PIEZO1: variants seen among roughly 807,000 people sequenced by gnomAD.
PIEZO1 encodes piezo type mechanosensitive ion channel component 1 (Er blood group).
In PIEZO1, 296 loss-of-function variants were observed where a neutral mutation model predicts 297.2. That is an observed-to-expected ratio of 1.00 (90% CI 0.91 to 1.10). The LOEUF (loss-of-function observed/expected upper bound fraction) is 1.10, where lower values mean the gene tolerates loss of function less well. Among genes scored for constraint, PIEZO1 ranks in the 50% least tolerant of loss-of-function variants. The probability of loss-of-function intolerance (pLI) is 0.00; values close to 1 mark genes in which losing one functional copy is unlikely to be tolerated. For missense variants in PIEZO1, 5,018 were observed against 3,455.5 expected (o/e 1.45, Z -11.34); for synonymous variants, 2,427 against 1,507.5 (o/e 1.61, Z -14.13).
intron 2 of PIEZO1, chr16:88,743,781 T>A (rs539895031): frequency 1.8e-5 from 7 of 396,366 alleles, no homozygotes; most frequent in African/African-American, 1.2e-4. Flanking sequence ...GAGGCAGGTT[T>A]GGACCAGCTT....
chr16:88,735,616 T>C (rs1369563279), intron 12 of PIEZO1, among the ~76,000 whole-genome samples: 1 of 152,262 alleles, frequency 6.6e-6, no homozygotes, highest in Non-Finnish European at 1.5e-5. Context: ...CAGGTGCATA[T>C]GTTGGCACAC....
rs113907912 is a variant in PIEZO1 at position 88,727,464 on chromosome 16, T to C, written c.3301+93A>G. 0.12 allele frequency: 74,944 copies of C among 647,396 alleles called. 5,318 individuals are homozygous for C. The highest frequency in any genetic ancestry group is 0.15 in the Non-Finnish European group (55,131 of 370,082). 40.1% of individuals were successfully genotyped at this position (647,396 alleles called of 1,614,324 possible). A position where few individuals can be genotyped will look rare whatever the true frequency, so the allele number is the denominator to read the frequency against. The stretch of plus-strand genomic sequence containing the variant: ...ATGTGCCTGACCACACCTCCGCCCG[T>C]GCACGCCTGTGTGCACACTTGTGAG... On this transcript the variant is annotated intron_variant, in intron 23 of 50. Coordinates refer to ENST00000301015, the MANE Select transcript of PIEZO1 (RefSeq NM_001142864.4).
chr16:88,723,853 G>A lies in PIEZO1; in HGVS notation c.4335+18C>T, dbSNP rs374902914. On this transcript the variant is annotated intron_variant, in intron 31 of 50. Transcript: ENST00000301015. ...GCTCTGTGGTTGGAGTGGGGCCGAC[G>A]GGGCTCTCCCACCTCACCTGGAAGG... 26 of 1,360,206 alleles carry A rather than the reference G, an allele frequency of 1.9e-5. No individual in the cohort carries two copies. Among genetic ancestry groups the A allele is most frequent in the African/African-American group, 1.4e-4 (10 of 69,332 alleles). The allele number at this position is 1,360,206 out of a possible 1,614,324, so 84.3% of individuals were successfully genotyped here.
chr16:88,717,820 CAG>C (rs1245036782), intron 44 of PIEZO1: 5 of 445,844 alleles, frequency 1.1e-5, no homozygotes, highest in African/African-American at 2.0e-5. Flanking sequence ...TGCAGAAAAA[CAG>C]AAAAAACTCT....
chr16:88,772,075 A>G (rs922273849), intron 1 of PIEZO1, among the ~76,000 whole-genome samples: 1 of 144,282 alleles, frequency 6.9e-6, no homozygotes, highest in African/African-American at 2.6e-5. Context: ...CTGAGACTCT[A>G]TGCCTGTCCA....
At chr16:88,729,900 G>A (rs1213102629) in intron 22 of PIEZO1, among the ~76,000 whole-genome samples, 1 of 152,154 alleles carries the variant, frequency 6.6e-6, no homozygotes, top group Non-Finnish European at 1.5e-5. Flanking sequence ...GCCACAGAGG[G>A]AACCTCACGA....
chr16:88,732,086 G>T (rs547466444), intron 21 of PIEZO1, among the ~76,000 whole-genome samples, 176 bp from the exon 22 acceptor site: 1 of 151,870 alleles, frequency 6.6e-6, no homozygotes, highest in Non-Finnish European at 1.5e-5. Flanking sequence ...AGTTGCCATC[G>T]TGCAGGGGAA....
intron 2 of PIEZO1, 59 bp downstream of exon 2, chr16:88,749,325 C>G (rs1906259139): frequency 9.4e-6 from 11 of 1,174,640 alleles, no homozygotes; most frequent in Non-Finnish European, 1.3e-5. Context: ...AATTTTGGCC[C>G]CAAACGAATG....
chr16:88,757,967 G>A (rs1411117954), intron 1 of PIEZO1, among the ~76,000 whole-genome samples: 1 of 152,142 alleles, frequency 6.6e-6, no homozygotes, highest in African/African-American at 2.4e-5. Flanking sequence ...AGGCCTGGCT[G>A]GACACCCCTC....
chr16:88,769,029 C>T lies in PIEZO1; in HGVS notation c.64+15872G>A, dbSNP rs987447634. Among the ~76,000 whole-genome samples the T allele has an allele frequency of 1.1e-4, 17 of 152,198 alleles. No homozygotes were observed. In the East Asian group the frequency reaches 1.7e-3, roughly 16 times the overall value. On this transcript the variant is annotated intron_variant, in intron 1 of 50. Transcript: ENST00000301015. ...AAGTACGCTAGGACACAGCAGCACC[C>T]GCGCCCACACTTGCTATGCAGAGTG...
At chr16:88,762,353 C>G (rs114210005) in intron 1 of PIEZO1, among the ~76,000 whole-genome samples, 7 of 152,342 alleles carry the variant, frequency 4.6e-5, no homozygotes, top group South Asian at 2.1e-4. Flanking sequence ...TGGCCTCCCC[C>G]ACCTGAGGTC....
rs1318407713 is a variant in PIEZO1 at position 88,717,014 on chromosome 16, C to A, written c.6660+9G>T. ...ATGGGAATGGACAGGCGGACCCACA[C>A]ATGCTCACCTCATAGCCGCCCAGCT... On this transcript the variant is annotated intron_variant, in intron 45 of 50. Transcript: ENST00000301015. 3.9e-6 allele frequency: 6 copies of A among 1,550,176 alleles called. No homozygotes were observed. Among genetic ancestry groups the A allele is most frequent in the Non-Finnish European group, 5.2e-6 (6 of 1,146,846 alleles).
At chr16:88,759,164 T>G (rs1168039314) in intron 1 of PIEZO1, among the ~76,000 whole-genome samples, 1 of 152,212 alleles carries the variant, frequency 6.6e-6, no homozygotes, top group East Asian at 1.9e-4. Context: ...GGTCCAACCT[T>G]CCTCTCATCA....
Position 88,760,146 on chromosome 16 carries a change from C to T in PIEZO1, c.65-10667G>A, listed in dbSNP as rs536669610. Among the ~76,000 whole-genome samples the T allele has an allele frequency of 4.6e-3, 702 of 152,234 alleles. 1 individual carries two copies. The highest frequency in any genetic ancestry group is 6.2e-3 in the Non-Finnish European group (424 of 68,000). On this transcript the variant is annotated intron_variant, in intron 1 of 50. Coordinates refer to ENST00000301015, the MANE Select transcript of PIEZO1 (RefSeq NM_001142864.4). ...CACCCCACACGCCCACCTCGGACCTCGCCGGCGGGGCCTCCGTGCCCTCAG... is the reference window on the plus strand; with the variant it reads ...CACCCCACACGCCCACCTCGGACCTTGCCGGCGGGGCCTCCGTGCCCTCAG...
intron 44 of PIEZO1, chr16:88,717,694 T>C (rs1912149696): frequency 2.3e-6 from 1 of 436,752 alleles, no homozygotes; most frequent in Admixed American, 2.6e-5. Context: ...ACCAAGAAAA[T>C]TTAAGAGACA....
In PIEZO1 at chr16:88,720,717, C is replaced by T. The variant is rs994750899; in HGVS notation, c.5700G>A (p.Glu1900=). ...EAEDREEEEG[E]EEKEAPTGRE... ...TCCCCGTGGGGGCCTCTTTCTCTTCCTCCCCCTCTTCTTCCTCCCTGTCCT... is the reference window on the plus strand; with the variant it reads ...TCCCCGTGGGGGCCTCTTTCTCTTCTTCCCCCTCTTCTTCCTCCCTGTCCT... The change falls in exon 40 of 51, where the codon GAG becomes GAA. Residue 1900 remains glutamate, a synonymous_variant. Coordinates refer to ENST00000301015, the MANE Select transcript of PIEZO1 (RefSeq NM_001142864.4). The T allele has an allele frequency of 5.2e-6, 8 of 1,529,170 alleles. No individual in the cohort carries two copies. In the African/African-American group the frequency reaches 5.6e-5, roughly 11 times the overall value. 94.7% of individuals were successfully genotyped at this position (1,529,170 alleles called of 1,614,324 possible). A position where few individuals can be genotyped will look rare whatever the true frequency, so the allele number is the denominator to read the frequency against.
chr16:88,731,685 C>A, intron 22 of PIEZO1, 21 bp downstream of exon 22: 2 of 1,544,852 alleles, frequency 1.3e-6, no homozygotes, highest in Non-Finnish European at 1.7e-6. Flanking sequence ...CCCACTCCCA[C>A]CCAAGCCACG....
intron 1 of PIEZO1, among the ~76,000 whole-genome samples, chr16:88,773,271 A>T (rs1437793811): frequency 6.6e-6 from 1 of 152,208 alleles, no homozygotes; most frequent in East Asian, 1.9e-4. Flanking sequence ...CTGAGTCAGG[A>T]CAGCCCTCCA....
chr16:88,736,311 A>T lies in PIEZO1; in HGVS notation c.1394T>A (p.Leu465Gln). ...TVRSRHQLAM[L>Q]CSPCILLYGM... ...ATACAGCAGGATGCAGGGCGAGCAC[A>T]GCATGGCCAGTTGGTGGCGGCTGCG... The change falls in exon 12 of 51, where the codon CTG (leucine) becomes CAG (glutamine). Residue 465 changes from leucine (L) to glutamine (Q), a missense_variant. Coordinates refer to ENST00000301015, the MANE Select transcript of PIEZO1 (RefSeq NM_001142864.4). The T allele has an allele frequency of 6.5e-7, 1 of 1,550,248 alleles. No homozygotes were observed. Among genetic ancestry groups the T allele is most frequent in the South Asian group, 1.2e-5 (1 of 84,066 alleles).
Sources: gnomAD v4.1 joint callset for allele counts (sites outside exome capture counted in the v4.1 genomes callset) on GRCh38, gnomAD v4.1.1 for gene constraint, MANE v1.5 for transcripts, NCBI Gene and HGNC (gene_info 2026-07-23, HGNC 2026-07-21) for gene names.